CSMD1: variants seen among roughly 807,000 people sequenced by gnomAD.
CSMD1 encodes CUB and Sushi multiple domains 1.
CSMD1 carries 213 observed loss-of-function variants against 417.5 expected under a neutral mutation model. That is an observed-to-expected ratio of 0.51 (90% CI 0.46 to 0.57). CSMD1 has a LOEUF of 0.57. CSMD1 is among the 20% of genes least tolerant of loss of function. CSMD1 has a pLI of 0.00. For synonymous variants in CSMD1, 2,862 were observed against 1,736.8 expected (o/e 1.65, Z -16.11); for missense variants, 6,923 against 4,529.7 (o/e 1.53, Z -15.17).
chr8:3,306,261 TATTTTTC>T (rs751766143), intron 25 of CSMD1, among the ~76,000 whole-genome samples: 1 of 152,196 alleles, frequency 6.6e-6, no homozygotes, highest in Non-Finnish European at 1.5e-5. Flanking sequence ...TGTTTATAAA[TATTTTTC>T]ATCCTTCCAC....
chr8:4,350,738 T>C (rs1242287196), intron 3 of CSMD1, among the ~76,000 whole-genome samples: 4 of 152,214 alleles, frequency 2.6e-5, no homozygotes, highest in East Asian at 1.9e-4. Context: ...ACATTTGCTC[T>C]TCTCTAAATC....
In CSMD1 at chr8:4,093,703, G is replaced by A. The variant is rs144772113; in HGVS notation, c.416-61604C>T. ...CGGCCGGGTGCAGAGGCTCACAACT[G>A]TAATTTCGGCACTTTGGGAGGCTGA... On this transcript the variant is annotated intron_variant, in intron 3 of 69. Coordinates refer to ENST00000635120, the MANE Select transcript of CSMD1 (RefSeq NM_033225.6). 2.2e-4 allele frequency among the ~76,000 whole-genome samples: 33 copies of A among 152,270 alleles called. No individual in the cohort carries two copies. In the East Asian group the frequency reaches 5.0e-3, roughly 23 times the overall value.
At chr8:4,137,947 G>T (rs1416527263) in intron 3 of CSMD1, among the ~76,000 whole-genome samples, 1 of 150,896 alleles carries the variant, frequency 6.6e-6, no homozygotes, top group Admixed American at 6.6e-5. Flanking sequence ...GCGCAATCTC[G>T]GCTCACTGCA....
At chr8:4,618,876 C>T (rs114005862) in intron 2 of CSMD1, among the ~76,000 whole-genome samples, 1,590 of 152,136 alleles carry the variant, frequency 0.01, 33 homozygotes, top group African/African-American at 0.035. Context: ...CAAGAGTACA[C>T]GTAATAGAAT....
At chr8:3,835,339 C>T (rs1005039978) in intron 5 of CSMD1, among the ~76,000 whole-genome samples, 1 of 152,134 alleles carries the variant, frequency 6.6e-6, no homozygotes, top group African/African-American at 2.4e-5. Context: ...CAACGACAGA[C>T]TGGATTAAGA....
intron 10 of CSMD1, among the ~76,000 whole-genome samples, chr8:3,508,295 C>G (rs77716819): frequency 0.047 from 7,185 of 151,330 alleles, 443 homozygotes; most frequent in East Asian, 0.21. Flanking sequence ...GCGCCCCCTC[C>G]CCCAGGGCAG....
intron 12 of CSMD1, among the ~76,000 whole-genome samples, chr8:3,465,113 T>C (rs557220106): frequency 1.3e-5 from 2 of 152,278 alleles, no homozygotes; most frequent in South Asian, 4.1e-4. Context: ...TTTGTTTCTG[T>C]GAATTGTTCT....
chr8:4,839,007 C>A (rs2116763891), intron 1 of CSMD1, among the ~76,000 whole-genome samples: 1 of 152,332 alleles, frequency 6.6e-6, no homozygotes, highest in East Asian at 1.9e-4. Flanking sequence ...CCTTAACATT[C>A]AGACTTGTGG....
At chr8:4,251,786 T>C (rs533420048) in intron 3 of CSMD1, among the ~76,000 whole-genome samples, 46 of 149,270 alleles carry the variant, frequency 3.1e-4, no homozygotes, top group African/African-American at 1.0e-3. Context: ...GATGGAGAGA[T>C]GGAGGAGGAA....
rs35481238 is a variant in CSMD1, at chr8:4,467,122, T to TAAAAAAAAA, written c.303-47066_303-47058dup. ...TAGTCTTGCTCTAGATTCTTCAGAG[T>TAAAAAAAAA]AAAAAAAAAAAAAAAAAAGAAAAAA... On this transcript the variant is annotated intron_variant, in intron 2 of 69. Coordinates refer to ENST00000635120, the MANE Select transcript of CSMD1 (RefSeq NM_033225.6). 1.6e-4 allele frequency among the ~76,000 whole-genome samples: 14 copies of TAAAAAAAAA among 86,184 alleles called. 1 individual carries two copies. Among genetic ancestry groups the TAAAAAAAAA allele is most frequent in the East Asian group, 3.4e-4 (1 of 2,964 alleles). 56.5% of individuals were successfully genotyped at this position (86,184 alleles called of 152,430 possible). A position where few individuals can be genotyped will look rare whatever the true frequency, so the allele number is the denominator to read the frequency against.
At chr8:4,193,879 G>C (rs772725510) in intron 3 of CSMD1, among the ~76,000 whole-genome samples, 1 of 151,928 alleles carries the variant, frequency 6.6e-6, no homozygotes, top group East Asian at 1.9e-4. Flanking sequence ...AGCCTCAGCA[G>C]AACTGGCCAC....
chr8:4,313,284 A>G (rs1426104380), intron 3 of CSMD1, among the ~76,000 whole-genome samples: 1 of 152,132 alleles, frequency 6.6e-6, no homozygotes, highest in East Asian at 1.9e-4. Flanking sequence ...CAGGAAGAGA[A>G]TGCGAAGAAT....
chr8:4,787,626 C>G, intron 1 of CSMD1: 1 of 1,573,546 alleles, frequency 6.4e-7, no homozygotes, highest in Non-Finnish European at 8.7e-7. Flanking sequence ...AGAATAGCAA[C>G]TGGTTCTTTT....
At chr8:3,711,032 A>C (rs1288687047) in intron 6 of CSMD1, among the ~76,000 whole-genome samples, 3 of 152,084 alleles carry the variant, frequency 2.0e-5, no homozygotes, top group Non-Finnish European at 4.4e-5. Context: ...TGAGAAACAC[A>C]TATTATGTCT....
intron 12 of CSMD1, among the ~76,000 whole-genome samples, chr8:3,459,476 C>G (rs1202929328): frequency 6.6e-6 from 1 of 152,072 alleles, no homozygotes; most frequent in East Asian, 1.9e-4. Context: ...CTATGAAGAC[C>G]CCTGGGTGAT....
chr8:4,555,942 A>T (rs1798069645), intron 2 of CSMD1, among the ~76,000 whole-genome samples: 1 of 152,144 alleles, frequency 6.6e-6, no homozygotes, highest in Non-Finnish European at 1.5e-5. Context: ...ACAGTTCCTT[A>T]CTTTAGGAAG....
intron 7 of CSMD1, among the ~76,000 whole-genome samples, chr8:3,630,141 T>A (rs1297465943): frequency 6.6e-6 from 1 of 152,238 alleles, no homozygotes; most frequent in Non-Finnish European, 1.5e-5. Context: ...TTATTCAACA[T>A]CCAGTCAGTG....
intron 12 of CSMD1, among the ~76,000 whole-genome samples, chr8:3,412,112 A>T (rs188661464): frequency 9.1e-6 from 1 of 110,058 alleles, no homozygotes; most frequent in East Asian, 4.9e-4. Flanking sequence ...ACATATATAC[A>T]TATATACACA....
chr8:3,386,380 G>C (rs1027486855), intron 18 of CSMD1, among the ~76,000 whole-genome samples: 1 of 152,086 alleles, frequency 6.6e-6, no homozygotes, highest in Non-Finnish European at 1.5e-5. Context: ...ATTCCCACCG[G>C]TTCCAGCTGG....
Sources: allele counts gnomAD v4.1 joint callset (sites outside exome capture counted in the v4.1 genomes callset), GRCh38; gene constraint gnomAD v4.1.1; transcripts MANE v1.5; gene names NCBI Gene and HGNC (gene_info 2026-07-23, HGNC 2026-07-21).